Variants in SLC36A1 observed in about 807,000 individuals in gnomAD.
The protein encoded by SLC36A1 is solute carrier family 36 member 1, also known as proton-coupled amino acid transporter 1.
A neutral mutation model predicts 47.5 loss-of-function variants in SLC36A1; 30 were observed. The observed-to-expected ratio is 0.63, with a 90% confidence interval of 0.47 to 0.86. SLC36A1 has a LOEUF of 0.86. SLC36A1 is among the 40% of genes least tolerant of loss of function. The probability of loss-of-function intolerance (pLI) is 0.00; values close to 1 mark genes in which losing one functional copy is unlikely to be tolerated. For synonymous variants in SLC36A1, 255 were observed against 249.7 expected, an observed-to-expected ratio of 1.02 and a Z score of -0.20; for missense variants, 517 against 606.0, an observed-to-expected ratio of 0.85 and a Z score of 1.54.
At chr5:151,373,134 T>C in the SLC36A1 span, among the ~76,000 whole-genome samples, 1 of 151,916 alleles carries the variant, frequency 6.6e-6, no homozygotes, top group East Asian at 1.9e-4. Flanking sequence ...CATAAAACTA[T>C]AGATCAAAAA....
At chr5:151,417,154 G>T in the SLC36A1 span, among the ~76,000 whole-genome samples, 2 of 152,170 alleles carry the variant, frequency 1.3e-5, no homozygotes, top group African/African-American at 4.8e-5. Flanking sequence ...AATTGGTACC[G>T]AGGTAGTGGA....
At position 151,483,518 on chromosome 5, in the gene SLC36A1, G is replaced by GTC. The variant is rs57968429; in HGVS notation, c.1159+4029_1159+4030insTC. Among the ~76,000 whole-genome samples the GTC allele has an allele frequency of 3.6e-5, 5 of 138,168 alleles. No individual in the cohort carries two copies. The South Asian group carries it at 7.1e-4, about 20-fold the overall frequency. The allele number at this position is 138,168 out of a possible 152,430, so 90.6% of individuals were successfully genotyped here. A position where few individuals can be genotyped will look rare whatever the true frequency, so the allele number is the denominator to read the frequency against. ...TCTGGGCTGGGGTCTTTGTGTGTGT[G>GTC]GGGGGGGTGATTAGGGGAGAGTAGG... On this transcript the variant is annotated intron_variant, in intron 10 of 10. Coordinates refer to ENST00000243389, the MANE Select transcript of SLC36A1 (RefSeq NM_078483.4).
the SLC36A1 span, among the ~76,000 whole-genome samples, chr5:151,518,694 G>A: frequency 2.6e-3 from 396 of 152,292 alleles, 2 homozygotes; most frequent in Middle Eastern, 3.4e-3. Context: ...CCTCCATCCC[G>A]CCTTAGCAAT....
At chr5:151,370,951 G>C in the SLC36A1 span, among the ~76,000 whole-genome samples, 5 of 152,122 alleles carry the variant, frequency 3.3e-5, no homozygotes, top group African/African-American at 1.2e-4. Context: ...CAAGATCGCA[G>C]TACTACACTC....
chr5:151,361,884 A>G, the SLC36A1 span, among the ~76,000 whole-genome samples: 1 of 152,150 alleles, frequency 6.6e-6, no homozygotes, highest in Non-Finnish European at 1.5e-5. Flanking sequence ...CAGCACTTTG[A>G]AAATGTTATC....
chr5:151,381,878 G>A, the SLC36A1 span: 5 of 241,232 alleles, frequency 2.1e-5, no homozygotes, highest in South Asian at 9.3e-5. Flanking sequence ...CTGGTCTCCC[G>A]CAAAGCCAGC....
the SLC36A1 span, among the ~76,000 whole-genome samples, chr5:151,551,266 C>G: frequency 5.3e-5 from 8 of 152,266 alleles, 1 homozygote; most frequent in Middle Eastern, 0.027. Flanking sequence ...AACAAGCTTC[C>G]AATTATAGAC....
chr5:151,451,758 A>C (rs1017098365), intron 1 of SLC36A1, among the ~76,000 whole-genome samples: 1 of 152,234 alleles, frequency 6.6e-6, no homozygotes, highest in Admixed American at 6.5e-5. Context: ...TCAGAGTCAC[A>C]CTACCAGACT....
the SLC36A1 span, among the ~76,000 whole-genome samples, chr5:151,354,118 ACATGGTGAAACCC>A: frequency 6.6e-6 from 1 of 152,294 alleles, no homozygotes; most frequent in East Asian, 1.9e-4. Context: ...AGCCTGGCCA[ACATGGTGAAACCC>A]CGTCTCTACT....
At chr5:151,453,256 G>A (rs1753946487) in intron 1 of SLC36A1, among the ~76,000 whole-genome samples, 1 of 151,832 alleles carries the variant, frequency 6.6e-6, no homozygotes, top group South Asian at 2.1e-4. Flanking sequence ...AAAATGCTAA[G>A]GTGGAATCAA....
At chr5:151,551,329 A>T in the SLC36A1 span, 1 of 876,044 alleles carries the variant, frequency 1.1e-6, no homozygotes. Flanking sequence ...TAGAGAGTGT[A>T]TTAGACAAGA....
the SLC36A1 span, among the ~76,000 whole-genome samples, chr5:151,548,387 G>A: frequency 1.2e-4 from 18 of 151,694 alleles, no homozygotes; most frequent in African/African-American, 3.1e-4. Flanking sequence ...GGATATTATC[G>A]CTTTTGTTAT....
chr5:151,509,876 C>A, the SLC36A1 span: 5 of 918,998 alleles, frequency 5.4e-6, no homozygotes, highest in African/African-American at 6.6e-5. Flanking sequence ...AGGTTGGGGA[C>A]CACTGCCCTA....
chr5:151,362,223 T>C, the SLC36A1 span, among the ~76,000 whole-genome samples: 4 of 152,160 alleles, frequency 2.6e-5, no homozygotes, highest in African/African-American at 9.7e-5. Flanking sequence ...TTGAGATAAT[T>C]TTTTAATATC....
intron 8 of SLC36A1, among the ~76,000 whole-genome samples, chr5:151,474,159 C>CAAAAAAAAAAAAAAAAAAAAAAAAAA (rs1156305401): frequency 3.3e-5 from 2 of 59,954 alleles, no homozygotes; most frequent in African/African-American, 1.7e-4. Flanking sequence ...GACTCTGTCT[C>CAAAAAAAAAAAAAAAAAAAAAAAAAA]AAAAAAAAAA....
At chr5:151,378,199 C>T in the SLC36A1 span, 347 of 262,556 alleles carry the variant, frequency 1.3e-3, 5 homozygotes, top group African/African-American at 7.7e-3. Flanking sequence ...TAATCTTCTT[C>T]ATGAGACTGT....
At chr5:151,549,616 C>T in the SLC36A1 span, 1 of 771,412 alleles carries the variant, frequency 1.3e-6, no homozygotes, top group African/African-American at 1.7e-5. Flanking sequence ...CCAATTGTAA[C>T]TAACTCCCCA....
In SLC36A1 at chr5:151,464,635, A is replaced by G. The variant is rs1261846029; in HGVS notation, c.323+33A>G. 3 of 1,591,184 alleles carry G rather than the reference A, an allele frequency of 1.9e-6. No homozygotes were observed. The Admixed American group carries it at 5.0e-5, about 27-fold the overall frequency. ...CCCTCTGAGCCACCTCTCAAGTGAC[A>G]GATTGTCCTTTTGGGTTCTGTTATC... On this transcript the variant is annotated intron_variant, in intron 4 of 10. Transcript: ENST00000243389.
the SLC36A1 span, chr5:151,549,646 C>A: frequency 1.5e-6 from 1 of 660,638 alleles, no homozygotes; most frequent in Admixed American, 2.7e-5. Flanking sequence ...AAATGTTGTT[C>A]TAATCTATAT....
Sources: gnomAD v4.1 joint callset for allele counts (sites outside exome capture counted in the v4.1 genomes callset) on GRCh38, gnomAD v4.1.1 for gene constraint, MANE v1.5 for transcripts, NCBI Gene and HGNC (gene_info 2026-07-23, HGNC 2026-07-21) for gene names.